Variants in TBCD observed in about 807,000 individuals in gnomAD.
TBCD encodes tubulin folding cofactor D.
TBCD carries 105 observed loss-of-function variants against 169.3 expected under a neutral mutation model. The ratio of observed to expected loss-of-function variants is 0.62; its 90% CI spans 0.53 to 0.73. The LOEUF (loss-of-function observed/expected upper bound fraction) is 0.73. TBCD is among the 30% of genes least tolerant of loss of function. TBCD has a pLI of 0.00. For synonymous variants in TBCD, 700 were observed against 643.9 expected, an observed-to-expected ratio of 1.09 and a Z score of -1.32; for missense variants, 1,444 against 1,600.1, an observed-to-expected ratio of 0.90 and a Z score of 1.66.
intron 5 of TBCD, among the ~76,000 whole-genome samples, chr17:82,770,107 T>G (rs376081206): frequency 4.6e-5 from 7 of 152,294 alleles, no homozygotes; most frequent in African/African-American, 1.7e-4. Flanking sequence ...TCTGTGCTCT[T>G]CATCAGGGCT....
chr17:82,857,637 G>A (rs1359231344), intron 13 of TBCD, among the ~76,000 whole-genome samples: 1 of 151,844 alleles, frequency 6.6e-6, no homozygotes, highest in African/African-American at 2.4e-5. Flanking sequence ...TCTGTATGGA[G>A]TAACGTATTG....
chr17:82,900,906 T>C (rs1170126219), intron 18 of TBCD, among the ~76,000 whole-genome samples, 175 bp downstream of exon 18: 1 of 152,254 alleles, frequency 6.6e-6, no homozygotes, highest in Non-Finnish European at 1.5e-5. Context: ...TCATGGTCTG[T>C]CTCCAGTTCC....
At chr17:82,755,813 G>A (rs77176098) in intron 1 of TBCD, among the ~76,000 whole-genome samples, 3,815 of 152,290 alleles carry the variant, frequency 0.025, 174 homozygotes, top group African/African-American at 0.087. Flanking sequence ...GGACAGAGTT[G>A]AGCTTGGCCC....
intron 13 of TBCD, among the ~76,000 whole-genome samples, chr17:82,817,306 C>CT (rs1437241421): frequency 1.3e-5 from 2 of 150,744 alleles, no homozygotes; most frequent in Non-Finnish European, 2.9e-5. Flanking sequence ...ACTTTTTTTT[C>CT]TTTTTTTGAG....
At chr17:82,787,109 C>G (rs1054650895) in intron 7 of TBCD, among the ~76,000 whole-genome samples, 2 of 152,126 alleles carry the variant, frequency 1.3e-5, no homozygotes, top group Non-Finnish European at 2.9e-5. Flanking sequence ...CCCTTCCTCC[C>G]GAGGTGTAAA....
In TBCD at chr17:82,831,766, G is replaced by A. The variant is rs749794050; in HGVS notation, c.1318+16832G>A. 6.2e-7 allele frequency: 1 copy of A among 1,614,160 alleles called. No homozygotes were observed. Among genetic ancestry groups the A allele is most frequent in the East Asian group, 2.2e-5 (1 of 44,886 alleles). On this transcript the variant is annotated intron_variant, in intron 13 of 38. Transcript: ENST00000355528. This position sits in a 1 kb window ranked among gnomAD's most constrained non-coding sequence, Gnocchi z 4.6. ...TGTGGGGTGCATGTAAGGGGAAATGGCCCCAAGCCCCTTTGTAGATGAGAT... is the reference window on the plus strand; with the variant it reads ...TGTGGGGTGCATGTAAGGGGAAATGACCCCAAGCCCCTTTGTAGATGAGAT...
At chr17:82,768,366 A>G (rs2048131419) in intron 4 of TBCD, 54 bp from the exon 5 acceptor site, 3 of 1,606,436 alleles carry the variant, frequency 1.9e-6, no homozygotes, top group Admixed American at 3.3e-5. Flanking sequence ...GATTGTGGCC[A>G]GTGGCCTGTG....
In TBCD at chr17:82,933,273, C is replaced by CTTTTTTT. The variant is rs10639851; in HGVS notation, c.3191+551_3191+557dup. Among the ~76,000 whole-genome samples, 16 of 114,624 alleles carry CTTTTTTT rather than the reference C, an allele frequency of 1.4e-4. 2 individuals carry two copies. The highest frequency in any genetic ancestry group is 8.8e-4 in the South Asian group (3 of 3,410). 75.2% of individuals were successfully genotyped at this position (114,624 alleles called of 152,430 possible). A position where few individuals can be genotyped will look rare whatever the true frequency, so the allele number is the denominator to read the frequency against. On this transcript the variant is annotated intron_variant, in intron 34 of 38. Transcript: ENST00000355528. ...TTGAATTTCACCGTGTTGGGCCAGT[C>CTTTTTTT]TTTTTTTTTTTTTTTTTTTGAGACA...
chr17:82,844,063 T>G (rs1301033367), intron 13 of TBCD, among the ~76,000 whole-genome samples: 1 of 152,262 alleles, frequency 6.6e-6, no homozygotes, highest in Non-Finnish European at 1.5e-5. Flanking sequence ...CTGATTTTGG[T>G]TTCCATGAGC....
Position 82,922,723 on chromosome 17 carries a change from G to A in TBCD, c.2179-929G>A, listed in dbSNP as rs1461118996. 6.6e-6 allele frequency among the ~76,000 whole-genome samples: 1 copy of A among 152,192 alleles called. No homozygotes were observed. The highest frequency in any genetic ancestry group is 1.5e-5 in the Non-Finnish European group (1 of 68,022). On this transcript the variant is annotated intron_variant, in intron 25 of 38. Coordinates refer to ENST00000355528, the MANE Select transcript of TBCD (RefSeq NM_005993.5). This position sits in a 1 kb window ranked among gnomAD's most constrained non-coding sequence, Gnocchi z 4.1. Reference sequence around the variant, plus strand: ...TCGTGGAATGCAGCACCCTGTAGACGACGCACCTCCTCTGCTCATGGCCCC... The same window carrying A: ...TCGTGGAATGCAGCACCCTGTAGACAACGCACCTCCTCTGCTCATGGCCCC...
At chr17:82,855,120 C>T (rs79067862) in intron 13 of TBCD, among the ~76,000 whole-genome samples, 2,675 of 152,156 alleles carry the variant, frequency 0.018, 93 homozygotes, top group African/African-American at 0.061. Flanking sequence ...GACCCCTCTT[C>T]GCCCCATATG....
At chr17:82,773,623 C>A (rs1190672471) in intron 6 of TBCD, among the ~76,000 whole-genome samples, 1 of 152,166 alleles carries the variant, frequency 6.6e-6, no homozygotes, top group Non-Finnish European at 1.5e-5. Context: ...GGCTCAGTTG[C>A]TGCACTCAAT....
Position 82,900,799 on chromosome 17 carries a change from A to G in TBCD, c.1730+68A>G. On this transcript the variant is annotated intron_variant, in intron 18 of 38. Coordinates refer to ENST00000355528, the MANE Select transcript of TBCD (RefSeq NM_005993.5). ...CCAAAGGAGAGATTCAGTTGAGCTT[A>G]TAAGCCTTGAGTGTATTTTCTCACT... is the stretch of plus-strand genomic sequence containing the variant. 2.5e-6 allele frequency: 3 copies of G among 1,180,324 alleles called. No homozygotes were observed. In the South Asian group the frequency reaches 3.7e-5, roughly 15 times the overall value. 73.1% of individuals were successfully genotyped at this position (1,180,324 alleles called of 1,614,324 possible).
Position 82,930,655 on chromosome 17 carries a change from C to G in TBCD, c.3113+12C>G. ...CTTCTGAATGAGAGGTGAGTGGTGT[C>G]TCTTGGGGCCTCAGAGGCGTGAGTG... On this transcript the variant is annotated intron_variant, in intron 33 of 38. Transcript: ENST00000355528. This position sits in a 1 kb window ranked among gnomAD's most constrained non-coding sequence, Gnocchi z 5.2. The G allele has an allele frequency of 6.2e-7, 1 of 1,613,934 alleles. No individual in the cohort carries two copies. Among genetic ancestry groups the G allele is most frequent in the Non-Finnish European group, 8.5e-7 (1 of 1,179,858 alleles).
chr17:82,800,517 C>T (rs1353542665), intron 8 of TBCD, among the ~76,000 whole-genome samples: 1 of 151,946 alleles, frequency 6.6e-6, no homozygotes, highest in African/African-American at 2.4e-5. Flanking sequence ...ATGCCCGTGG[C>T]CTGCGTGGTC....
intron 3 of TBCD, among the ~76,000 whole-genome samples, chr17:82,765,492 G>A (rs1217586718): frequency 6.6e-6 from 1 of 152,216 alleles, no homozygotes; most frequent in East Asian, 1.9e-4. Context: ...GACTATGGAA[G>A]TACTCACAGC....
At chr17:82,836,966 C>T (rs1280569078) in intron 13 of TBCD, among the ~76,000 whole-genome samples, 5 of 152,082 alleles carry the variant, frequency 3.3e-5, no homozygotes, top group East Asian at 1.9e-4. Context: ...CTCAATTGCT[C>T]GAAGGGAATT....
At chr17:82,936,261 CT>C (rs2062616276) in intron 34 of TBCD, among the ~76,000 whole-genome samples, 1 of 152,222 alleles carries the variant, frequency 6.6e-6, no homozygotes, top group South Asian at 2.1e-4. Context: ...CTCTAAATGA[CT>C]TTTAACTGTG....
chr17:82,758,294 G>A (rs1412359412), intron 2 of TBCD, among the ~76,000 whole-genome samples: 1 of 139,210 alleles, frequency 7.2e-6, no homozygotes, highest in African/African-American at 2.6e-5. Context: ...TGAAGCAGGA[G>A]AATTGCCCGA....
Sources: gnomAD v4.1 joint callset for allele counts (sites outside exome capture counted in the v4.1 genomes callset) on GRCh38, gnomAD v4.1.1 for gene constraint, Gnocchi (gnomAD v3.1) non-coding constraint, MANE v1.5 for transcripts, NCBI Gene and HGNC (gene_info 2026-07-23, HGNC 2026-07-21) for gene names.